Variants in GAA observed in about 807,000 individuals in gnomAD.
GAA encodes the protein alpha glucosidase.
In GAA, 88 loss-of-function variants were observed where a neutral mutation model predicts 103.9. That is an observed-to-expected ratio of 0.85 (90% CI 0.71 to 1.01). The LOEUF is 1.01. Among genes scored for constraint, GAA ranks in the 50% least tolerant of loss-of-function variants. The probability of loss-of-function intolerance (pLI) is 0.00; values close to 1 mark genes in which losing one functional copy is unlikely to be tolerated. For synonymous variants in GAA, 572 were observed against 563.1 expected, an observed-to-expected ratio of 1.02 and a Z score of -0.22; for missense variants, 1,350 against 1,305.3, an observed-to-expected ratio of 1.03 and a Z score of -0.53.
chr17:80,112,766 G>A, intron 13 of GAA, 55 bp downstream of exon 13: 1 of 1,582,960 alleles, frequency 6.3e-7, no homozygotes. Flanking sequence ...GGCCTCTATG[G>A]GAGGCTTGCC....
intron 8 of GAA, among the ~76,000 whole-genome samples, chr17:80,109,697 G>A (rs2059441762): frequency 1.0e-5 from 1 of 96,466 alleles, no homozygotes; most frequent in South Asian, 3.4e-4. Flanking sequence ...AACTCTAGAG[G>A]TTTAAAGAAA....
chr17:80,117,567 G>A (rs1306645339), intron 16 of GAA, 33 bp from the exon 17 acceptor site: 1 of 1,612,560 alleles, frequency 6.2e-7, no homozygotes. Context: ...CCTCGGCACG[G>A]CCCAGAATCC....
At chr17:80,112,479 T>C in intron 12 of GAA, 99 bp from the exon 13 acceptor site, 1 of 1,479,398 alleles carries the variant, frequency 6.8e-7, no homozygotes, top group Non-Finnish European at 9.3e-7. Flanking sequence ...CTCTGCCTCA[T>C]CCCAGAAAGC....
rs773281453 is a variant in GAA at position 80,105,895 on chromosome 17, G to A, written c.692+1G>A. 6.3e-7 allele frequency: 1 copy of A among 1,593,294 alleles called. No homozygotes were observed. Among genetic ancestry groups the A allele is most frequent in the Admixed American group, 1.7e-5 (1 of 59,846 alleles). ...GCCGGCAGCTGGACGGCCGCGTGCT[G>A]TGAGTTCTGGGCTCTGTGCCAGCAT... On this transcript the variant is annotated splice_donor_variant, in intron 3 of 19. Transcript: ENST00000302262. LOFTEE classifies it high-confidence loss of function.
In GAA at chr17:80,112,625, C is replaced by T. The variant is rs374470794; in HGVS notation, c.1802C>T (p.Ser601Leu). 6 of 1,612,894 alleles carry T rather than the reference C, an allele frequency of 3.7e-6. No individual in the cohort carries two copies. The highest frequency in any genetic ancestry group is 2.7e-5 in the African/African-American group (2 of 74,936). ...ACACGCCCATTTGTGATCTCCCGCT[C>T]GACCTTTGCTGGCCACGGCCGATAC... ...RGTRPFVISRSTFAGHGRYAG... is the reference protein window; with the variant it reads ...RGTRPFVISRLTFAGHGRYAG... Residue 601 changes from serine to leucine, a missense_variant, in exon 13 of 20, where the codon TCG becomes TTG. Coordinates refer to ENST00000302262, the MANE Select transcript of GAA (RefSeq NM_000152.5).
In GAA at chr17:80,105,093, G is replaced by T. The variant is rs1244858199; in HGVS notation, c.507G>T (p.Leu169=). 1.2e-6 allele frequency: 2 copies of T among 1,611,846 alleles called. No individual in the cohort carries two copies. The highest frequency in any genetic ancestry group is 4.5e-5 in the East Asian group (2 of 44,876). The change falls in exon 2 of 20, where the codon CTG becomes CTT. Residue 169 remains leucine (L), a synonymous_variant. Coordinates refer to ENST00000302262, the MANE Select transcript of GAA (RefSeq NM_000152.5). ...FFPKDILTLR[L]DVMMETENRL... The stretch of plus-strand genomic sequence containing the variant: ...CCAAGGACATCCTGACCCTGCGGCT[G>T]GACGTGATGATGGAGACTGAGAACC...
rs74702528 is a variant in GAA, at chr17:80,115,437, G to A, written c.2190-1531G>A. Among the ~76,000 whole-genome samples, 1,658 of 152,010 alleles carry A rather than the reference G, an allele frequency of 0.011. 33 individuals carry two copies. The highest frequency in any genetic ancestry group is 0.037 in the African/African-American group (1,529 of 41,422). ...TGTTTCATTCCTTTACGTTTCTCTC[G>A]TTAAGGATATTCCCTATCTGGTGAG... On this transcript the variant is annotated intron_variant, in intron 15 of 19. Coordinates refer to ENST00000302262, the MANE Select transcript of GAA (RefSeq NM_000152.5).
chr17:80,110,622 C>A, intron 9 of GAA, 105 bp from the exon 10 acceptor site: 1 of 934,174 alleles, frequency 1.1e-6, no homozygotes, highest in Non-Finnish European at 1.7e-6. Flanking sequence ...TGTGGGCGTC[C>A]ACTAAGAGTG....
Position 80,104,614 on chromosome 17 carries a change from C to T in GAA, c.28C>T (p.His10Tyr), listed in dbSNP as rs1435052110. ...GGGAGTGAGGCACCCGCCCTGCTCC[C>T]ACCGGCTCCTGGCCGTCTGCGCCCT... is the stretch of plus-strand genomic sequence containing the variant. The part of the protein sequence containing the change: MGVRHPPCS[H>Y]RLLAVCALVS... The change falls in exon 2 of 20, where the codon CAC becomes TAC. Residue 10 changes from histidine (H) to tyrosine (Y), a missense_variant. Coordinates refer to ENST00000302262, the MANE Select transcript of GAA (RefSeq NM_000152.5). The surrounding 1 kb of genome is among the most constrained non-coding windows in gnomAD (Gnocchi z 4.0). 6.2e-7 allele frequency: 1 copy of T among 1,612,646 alleles called. No individual in the cohort carries two copies. The highest frequency in any genetic ancestry group is 8.5e-7 in the Non-Finnish European group (1 of 1,179,870).
At position 80,107,625 on chromosome 17, in the gene GAA, C is replaced by G; in HGVS notation, c.761C>G (p.Ser254Trp). 3 of 1,613,212 alleles carry G rather than the reference C, an allele frequency of 1.9e-6. No individual in the cohort carries two copies. Among genetic ancestry groups the G allele is most frequent in the Non-Finnish European group, 2.5e-6 (3 of 1,179,916 alleles). ...QFLQLSTSLPSQYITGLAEHL... is the reference protein window; with the variant it reads ...QFLQLSTSLPWQYITGLAEHL... Reference sequence around the variant, plus strand: ...CTTCAGCTGTCCACCTCGCTGCCCTCGCAGTATATCACAGGCCTCGCCGAG... The same window carrying G: ...CTTCAGCTGTCCACCTCGCTGCCCTGGCAGTATATCACAGGCCTCGCCGAG... The change falls in exon 4 of 20, where the codon TCG becomes TGG. Residue 254 changes from serine (S) to tryptophan (W), a missense_variant. Transcript: ENST00000302262.
At chr17:80,103,948 T>C (rs1283110773) in intron 1 of GAA, among the ~76,000 whole-genome samples, 1 of 152,278 alleles carries the variant, frequency 6.6e-6, no homozygotes, top group Non-Finnish European at 1.5e-5. Flanking sequence ...TGACACCCAG[T>C]GGACCAAGCC....
At position 80,111,985 on chromosome 17, in the gene GAA, G is replaced by C; in HGVS notation, c.1639G>C (p.Val547Leu). ...ELENPPYVPG[V>L]VGGTLQAATI... ...AAACCAGCCCCCGCCTCTTCCAGGGGTGGTTGGGGGGACCCTCCAGGCGGC... is the reference window on the plus strand; with the variant it reads ...AAACCAGCCCCCGCCTCTTCCAGGGCTGGTTGGGGGGACCCTCCAGGCGGC... The change falls in exon 12 of 20, where the codon GTG becomes CTG. Residue 547 changes from valine to leucine, a missense_variant and splice_region_variant. Coordinates refer to ENST00000302262, the MANE Select transcript of GAA (RefSeq NM_000152.5). The C allele has an allele frequency of 6.2e-7, 1 of 1,613,360 alleles. No individual in the cohort carries two copies. Among genetic ancestry groups the C allele is most frequent in the South Asian group, 1.1e-5 (1 of 91,086 alleles).
rs773387991 is a variant in GAA at position 80,104,761 on chromosome 17, G to T, written c.175G>T (p.Gly59Ter). 6.2e-7 allele frequency: 1 copy of T among 1,611,462 alleles called. No individual in the cohort carries two copies. The change falls in exon 2 of 20, where the codon GGA becomes TGA. Residue 59 changes from glycine (G) to a stop codon, truncating the protein, a stop_gained. Transcript: ENST00000302262. LOFTEE classifies it high-confidence loss of function. The surrounding 1 kb of genome is among the most constrained non-coding windows in gnomAD (Gnocchi z 4.0). ...LEETHPAHQQ[G>*]ASRPGPRDAQ... The stretch of plus-strand genomic sequence containing the variant: ...GGAGACTCACCCAGCTCACCAGCAG[G>T]GAGCCAGCAGACCAGGGCCCCGGGA...
chr17:80,112,945 C>T lies in GAA; in HGVS notation c.1958C>T (p.Thr653Ile). The stretch of plus-strand genomic sequence containing the variant: ...GACGTCTGCGGCTTCCTGGGCAACA[C>T]CTCAGAGGAGCTGTGTGTGCGCTGG... ...GADVCGFLGN[T>I]SEELCVRWTQ... The change falls in exon 14 of 20, where the codon ACC becomes ATC. Residue 653 changes from threonine (T) to isoleucine (I), a missense_variant. By Grantham distance (89) the Thr-to-Ile change is moderately conservative (BLOSUM62 -1). Transcript: ENST00000302262. The T allele has an allele frequency of 6.2e-7, 1 of 1,610,744 alleles. No homozygotes were observed. Among genetic ancestry groups the T allele is most frequent in the South Asian group, 1.1e-5 (1 of 90,444 alleles).
chr17:80,115,735 CTGAT>C (rs1235794945), intron 15 of GAA, among the ~76,000 whole-genome samples: 1 of 152,162 alleles, frequency 6.6e-6, no homozygotes, highest in African/African-American at 2.4e-5. Context: ...GTTGCTATTG[CTGAT>C]TGTTTTGTGA....
At position 80,118,364 on chromosome 17, in the gene GAA, C is replaced by T; in HGVS notation, c.2646+7C>T. Reference sequence around the variant, plus strand: ...CATCTTCCTGGCCAGGAATGTGAGTCCTGGGGCTGCTCAGGCTGGTGGGCA... The same window carrying T: ...CATCTTCCTGGCCAGGAATGTGAGTTCTGGGGCTGCTCAGGCTGGTGGGCA... On this transcript the variant is annotated splice_region_variant and intron_variant, in intron 18 of 19. Coordinates refer to ENST00000302262, the MANE Select transcript of GAA (RefSeq NM_000152.5). The T allele has an allele frequency of 6.4e-7, 1 of 1,561,238 alleles. No homozygotes were observed. Among genetic ancestry groups the T allele is most frequent in the Non-Finnish European group, 8.7e-7 (1 of 1,152,196 alleles).
In GAA at chr17:80,119,451, C is replaced by G. The variant is rs1598595667; in HGVS notation, c.*120C>G. 1.2e-6 allele frequency: 1 copy of G among 855,826 alleles called. No individual in the cohort carries two copies. The highest frequency in any genetic ancestry group is 2.0e-6 in the Non-Finnish European group (1 of 506,064). 53.0% of individuals were successfully genotyped at this position (855,826 alleles called of 1,614,324 possible). On this transcript the variant is annotated 3_prime_UTR_variant, in exon 20 of 20. Coordinates refer to ENST00000302262, the MANE Select transcript of GAA (RefSeq NM_000152.5). ...TGCATGTGTCACCTGGAGCTGGGCA[C>G]TAACCATTCCAAGCCGCCGCATCGC...
chr17:80,105,991 C>T, intron 3 of GAA, 97 bp downstream of exon 3: 1 of 1,447,356 alleles, frequency 6.9e-7, no homozygotes, highest in Non-Finnish European at 9.3e-7. Flanking sequence ...ACACGATGGG[C>T]AGGGCGACAC....
intron 11 of GAA, 129 bp from the exon 12 acceptor site, chr17:80,111,854 G>T: frequency 1.4e-6 from 1 of 721,278 alleles, no homozygotes; most frequent in Non-Finnish European, 2.4e-6. Context: ...GCGGCTGCAG[G>T]TGCACCTCCA....
Sources: gnomAD v4.1 joint callset for allele counts (sites outside exome capture counted in the v4.1 genomes callset) on GRCh38, gnomAD v4.1.1 for gene constraint, Gnocchi (gnomAD v3.1) non-coding constraint, MANE v1.5 for transcripts, NCBI Gene and HGNC (gene_info 2026-07-23, HGNC 2026-07-21) for gene names.